The following C2orf76 variants were observed in gnomAD, a reference collection of about 807,000 sequenced individuals.
C2orf76 encodes UPF0538 protein C2orf76.
A neutral mutation model predicts 16.9 loss-of-function variants in C2orf76; 23 were observed. The observed-to-expected ratio is 1.36, with a 90% CI of 0.98 to 1.93. The LOEUF is 1.93. C2orf76 is among the 30% of genes most tolerant of loss of function. The pLI, the probability that C2orf76 is intolerant of heterozygous loss-of-function variation, is 0.00. For missense variants in C2orf76, 152 were observed against 152.6 expected (o/e 1.00, Z 0.02); for synonymous variants, 48 against 52.3 (o/e 0.92, Z 0.35).
chr2:119,329,330 C>A (rs900124214), intron 2 of C2orf76, among the ~76,000 whole-genome samples: 1 of 152,196 alleles, frequency 6.6e-6, no homozygotes, highest in Non-Finnish European at 1.5e-5. Context: ...CTAATACAGT[C>A]CCTCCACTTT....
At chr2:119,344,088 G>T (rs1470435906) in intron 1 of C2orf76, among the ~76,000 whole-genome samples, 1 of 152,152 alleles carries the variant, frequency 6.6e-6, no homozygotes, top group Admixed American at 6.5e-5. Flanking sequence ...TACTTAAATA[G>T]TTGAACTTTT....
intron 1 of C2orf76, among the ~76,000 whole-genome samples, chr2:119,349,580 C>T (rs1231000922): frequency 6.6e-6 from 1 of 152,286 alleles, no homozygotes; most frequent in African/African-American, 2.4e-5. Flanking sequence ...CACAGTTCCC[C>T]ACACCCACCA....
rs138422083 is a variant in C2orf76 at position 119,304,417 on chromosome 2, T to C, written c.305-1869A>G. On this transcript the variant is annotated intron_variant, in intron 5 of 5. Transcript: ENST00000334816. ...AATATGTTGTGTGGCTCTTCAGCAA[T>C]AGTAGGTTCAGAGAAGCTGCTGGAA... Among the ~76,000 whole-genome samples the C allele has an allele frequency of 3.6e-3, 544 of 152,328 alleles. 4 individuals carry two copies. Among genetic ancestry groups the C allele is most frequent in the African/African-American group, 0.012 (512 of 41,560 alleles).
chr2:119,291,821 G>T, the C2orf76 span, among the ~76,000 whole-genome samples: 1 of 152,078 alleles, frequency 6.6e-6, no homozygotes, highest in Non-Finnish European at 1.5e-5. Flanking sequence ...CAGTGTAACA[G>T]AAATTATTCC....
chr2:119,366,732 C>T, intron 1 of C2orf76, 58 bp downstream of exon 1: 1 of 522,362 alleles, frequency 1.9e-6, no homozygotes, highest in South Asian at 2.1e-5. Context: ...AGGACTGAAC[C>T]CAACTCTCGA....
chr2:119,319,885 T>C (rs1412304620), intron 3 of C2orf76, among the ~76,000 whole-genome samples: 5 of 152,170 alleles, frequency 3.3e-5, no homozygotes, highest in Non-Finnish European at 5.9e-5. Context: ...AAAATAACAC[T>C]GCAGCCTTTC....
rs1680033147 is a variant in C2orf76, at chr2:119,341,636, GC to G, written c.-12-1666del. 3.3e-5 allele frequency among the ~76,000 whole-genome samples: 5 copies of G among 152,234 alleles called. 1 individual carries two copies. In the South Asian group the frequency reaches 1.0e-3, roughly 32 times the overall value. ...AAACGCATTTGTTTTAAAGATACGA[GC>G]AGGGCATAGTTCTATCTAGTAGCAC... On this transcript the variant is annotated intron_variant, in intron 1 of 5. Transcript: ENST00000334816.
intron 4 of C2orf76, among the ~76,000 whole-genome samples, chr2:119,315,871 G>A (rs905470325): frequency 3.3e-5 from 5 of 152,148 alleles, no homozygotes; most frequent in African/African-American, 4.8e-5. Flanking sequence ...TTTGTCTTCC[G>A]ATGACAGGAT....
chr2:119,288,603 C>T, the C2orf76 span, among the ~76,000 whole-genome samples: 6 of 151,962 alleles, frequency 3.9e-5, no homozygotes, highest in Non-Finnish European at 5.9e-5. Context: ...ACATCGAGGA[C>T]AAGAGAGTTG....
At chr2:119,367,092 TG>T (rs1325522003), upstream of C2orf76, 5 of 1,613,154 alleles carry the variant, frequency 3.1e-6, no homozygotes, top group Non-Finnish European at 4.2e-6. Context: ...GCTGCGAAGG[TG>T]CAGCGGGCGG....
chr2:119,317,761 C>G (rs1440115383), intron 3 of C2orf76, among the ~76,000 whole-genome samples: 1 of 152,002 alleles, frequency 6.6e-6, no homozygotes, highest in Non-Finnish European at 1.5e-5. Flanking sequence ...TTTGTCAACT[C>G]AGCACATTTT....
the C2orf76 span, among the ~76,000 whole-genome samples, chr2:119,283,039 T>C: frequency 3.5e-3 from 531 of 152,340 alleles, 18 homozygotes; most frequent in Admixed American, 0.033. Context: ...CCAGCCACTC[T>C]GCGGGGATGT....
intron 2 of C2orf76, among the ~76,000 whole-genome samples, chr2:119,332,980 G>A (rs1042347245): frequency 6.6e-6 from 1 of 152,174 alleles, no homozygotes; most frequent in Admixed American, 6.5e-5. Context: ...TGATCCTCCC[G>A]CTTTGGCCTC....
chr2:119,339,983 G>C lies in C2orf76; in HGVS notation c.-12-12C>G. The C allele has an allele frequency of 6.2e-7, 1 of 1,603,746 alleles. No individual in the cohort carries two copies. The highest frequency in any genetic ancestry group is 8.5e-7 in the Non-Finnish European group (1 of 1,171,390). ...ATGTGAAGAAATTCCTGTGGCAAGA[G>C]ACATGAGAACCATCTAAATGAAGCC... On this transcript the variant is annotated splice_polypyrimidine_tract_variant and intron_variant, in intron 1 of 5. Coordinates refer to ENST00000334816, the MANE Select transcript of C2orf76 (RefSeq NM_001322331.2).
At chr2:119,305,711 C>A (rs1303170333) in intron 5 of C2orf76, among the ~76,000 whole-genome samples, 1 of 152,142 alleles carries the variant, frequency 6.6e-6, no homozygotes, top group African/African-American at 2.4e-5. Context: ...CTCTCTCCCG[C>A]TCTAGGAGTA....
At chr2:119,313,488 C>T (rs1679063882) in intron 4 of C2orf76, among the ~76,000 whole-genome samples, 1 of 151,802 alleles carries the variant, frequency 6.6e-6, no homozygotes, top group Admixed American at 6.6e-5. Context: ...ACTAGATACT[C>T]AGGAGGCTGA....
chr2:119,289,623 T>A, the C2orf76 span, among the ~76,000 whole-genome samples: 4,729 of 151,092 alleles, frequency 0.031, 111 homozygotes, highest in South Asian at 0.085. Context: ...GAGGCGGAGG[T>A]TGCAGTGAGC....
intron 1 of C2orf76, among the ~76,000 whole-genome samples, chr2:119,345,375 C>T (rs1680165011): frequency 1.3e-5 from 2 of 152,124 alleles, no homozygotes; most frequent in African/African-American, 4.8e-5. Flanking sequence ...TATGGAGAAA[C>T]AAATATTTTT....
At chr2:119,312,920 C>T (rs992342824) in intron 4 of C2orf76, among the ~76,000 whole-genome samples, 2 of 151,390 alleles carry the variant, frequency 1.3e-5, no homozygotes, top group Admixed American at 6.6e-5. Context: ...CCCAGCTACT[C>T]AGGAGGCTGA....
Sources: allele counts gnomAD v4.1 joint callset (sites outside exome capture counted in the v4.1 genomes callset), GRCh38; gene constraint gnomAD v4.1.1; transcripts MANE v1.5; gene names NCBI Gene and HGNC (gene_info 2026-07-23, HGNC 2026-07-21).